Variants in GOLGA8B observed in about 807,000 individuals in gnomAD.
GOLGA8B encodes golgin subfamily A member 8B.
In GOLGA8B, 1 loss-of-function variant was observed where a neutral mutation model predicts 15.6. The ratio of observed to expected loss-of-function variants is 0.06; its 90% confidence interval spans 0.02 to 0.30. GOLGA8B has a LOEUF of 0.30. Ranked by LOEUF, GOLGA8B falls within the 10% of genes least tolerant of loss-of-function variation. The pLI is 1.00. For synonymous variants in GOLGA8B, 9 were observed against 80.3 expected (o/e 0.11, Z 4.75); for missense variants, 17 against 201.3 (o/e 0.08, Z 5.54).
chr15:34,569,400 C>T (rs1316443229), intron 1 of GOLGA8B, among the ~76,000 whole-genome samples: 1 of 152,018 alleles, frequency 6.6e-6, no homozygotes, highest in Non-Finnish European at 1.5e-5. Flanking sequence ...GGGCCTGGAT[C>T]ACCTTCCTGG....
At chr15:34,578,041 G>T (rs1889130104) in intron 1 of GOLGA8B, among the ~76,000 whole-genome samples, 1 of 152,204 alleles carries the variant, frequency 6.6e-6, no homozygotes, top group South Asian at 2.1e-4. Flanking sequence ...ACAATGTCAT[G>T]TGATGCATGA....
rs16954442 is a variant in GOLGA8B, at chr15:34,526,826, C to T, written c.*806G>A. Reference sequence around the variant, plus strand: ...TCGGAAATAAGCCATTTTTAGGTCACTGAAAAAGAGTGCAACTGCTGCAGC... The same window carrying T: ...TCGGAAATAAGCCATTTTTAGGTCATTGAAAAAGAGTGCAACTGCTGCAGC... On this transcript the variant is annotated 3_prime_UTR_variant, in exon 24 of 24. Coordinates refer to ENST00000683415, the MANE Select transcript of GOLGA8B (RefSeq NM_001023567.5). 0.16 allele frequency: 24,437 copies of T among 148,722 alleles called. 3,883 individuals are homozygous for T. Among genetic ancestry groups the T allele is most frequent in the Admixed American group, 0.28 (4,058 of 14,640 alleles). The allele number at this position is 148,722 out of a possible 1,614,324, so 9.2% of individuals were successfully genotyped here.
chr15:34,570,343 C>G (rs1448245523), intron 1 of GOLGA8B, among the ~76,000 whole-genome samples: 1 of 144,434 alleles, frequency 6.9e-6, no homozygotes, highest in African/African-American at 2.5e-5. Flanking sequence ...GACCACTGCC[C>G]TTGCCTGGAG....
intron 1 of GOLGA8B, among the ~76,000 whole-genome samples, chr15:34,576,288 A>G (rs1399869871): frequency 6.6e-6 from 1 of 152,232 alleles, no homozygotes; most frequent in African/African-American, 2.4e-5. Flanking sequence ...CAACTGAAGT[A>G]GCACCAGTCC....
chr15:34,576,413 G>A (rs1402574072), intron 1 of GOLGA8B, among the ~76,000 whole-genome samples: 1 of 152,190 alleles, frequency 6.6e-6, no homozygotes, highest in African/African-American at 2.4e-5. Flanking sequence ...GACACAATCA[G>A]GAGTTCTTGG....
At chr15:34,569,225 C>T (rs895546790) in intron 1 of GOLGA8B, among the ~76,000 whole-genome samples, 33 of 144,822 alleles carry the variant, frequency 2.3e-4, no homozygotes, top group African/African-American at 8.3e-4. Context: ...AGAGGAACTG[C>T]GTCTGAATGA....
intron 1 of GOLGA8B, among the ~76,000 whole-genome samples, chr15:34,567,584 G>A (rs1468637163): frequency 6.6e-6 from 1 of 151,646 alleles, no homozygotes; most frequent in Non-Finnish European, 1.5e-5. Flanking sequence ...CATCCCATTA[G>A]GAACACTGTC....
At chr15:34,573,168 C>T (rs939221706) in intron 1 of GOLGA8B, among the ~76,000 whole-genome samples, 1 of 152,178 alleles carries the variant, frequency 6.6e-6, no homozygotes, top group African/African-American at 2.4e-5. Context: ...AGACCTTGAC[C>T]TACCCAAGCA....
At chr15:34,571,616 A>G (rs1255465090) in intron 1 of GOLGA8B, among the ~76,000 whole-genome samples, 1 of 59,308 alleles carries the variant, frequency 1.7e-5, no homozygotes, top group Non-Finnish European at 4.1e-5. Context: ...GGAATCGTAT[A>G]AAAAAAAAAA....
At position 34,527,852 on chromosome 15, in the gene GOLGA8B, C is replaced by A; in HGVS notation, c.1610-18G>T. ...ACAAAGATCTTTGGAGAGAGAGAGG[C>A]GGGGATCTGAGTGGAGTGCTAGCCG... is the stretch of plus-strand genomic sequence containing the variant. On this transcript the variant is annotated intron_variant, in intron 23 of 23. Transcript: ENST00000683415. 2 of 1,569,372 alleles carry A rather than the reference C, an allele frequency of 1.3e-6. No individual in the cohort carries two copies. The highest frequency in any genetic ancestry group is 1.7e-6 in the Non-Finnish European group (2 of 1,162,538).
chr15:34,563,027 A>AAAAT (rs1159025402), intron 1 of GOLGA8B, among the ~76,000 whole-genome samples: 110 of 63,780 alleles, frequency 1.7e-3, no homozygotes, highest in Middle Eastern at 0.011. Context: ...ATTGTCTCAA[A>AAAAT]AAATAAATAA....
At chr15:34,579,613 T>C (rs373368920) in intron 1 of GOLGA8B, among the ~76,000 whole-genome samples, 14 of 152,222 alleles carry the variant, frequency 9.2e-5, no homozygotes, top group African/African-American at 3.1e-4. Flanking sequence ...GAAACTGACG[T>C]TGCACAGTAC....
intron 1 of GOLGA8B, among the ~76,000 whole-genome samples, chr15:34,561,226 G>T (rs1206638573): frequency 6.9e-6 from 1 of 145,762 alleles, no homozygotes. Context: ...TTAGGTGAAG[G>T]GGCTCTCACA....
chr15:34,542,774 ACTTT>A (rs1389719866), intron 7 of GOLGA8B, among the ~76,000 whole-genome samples: 1 of 126,084 alleles, frequency 7.9e-6, no homozygotes, highest in Non-Finnish European at 1.6e-5. Context: ...CTTTATAAAA[ACTTT>A]CAATCTTTTC....
intron 1 of GOLGA8B, among the ~76,000 whole-genome samples, chr15:34,559,980 G>C (rs1471348124): frequency 6.7e-6 from 1 of 149,758 alleles, no homozygotes; most frequent in Non-Finnish European, 1.5e-5. Flanking sequence ...ATCCCTGGGA[G>C]GTTTCAGGAG....
Position 34,582,366 on chromosome 15 carries a change from C to T in GOLGA8B, c.-1123+1150G>A, listed in dbSNP as rs1462709391. 3.3e-5 allele frequency among the ~76,000 whole-genome samples: 5 copies of T among 152,348 alleles called. No homozygotes were observed. The East Asian group carries it at 7.7e-4, about 23-fold the overall frequency. ...AGATCATTATTTCTAAAACCACTGT[C>T]CTTTCTCAACGAGGAAGAAAATAGA... is the stretch of plus-strand genomic sequence containing the variant. On this transcript the variant is annotated intron_variant, in intron 1 of 23. Transcript: ENST00000683415.
intron 1 of GOLGA8B, among the ~76,000 whole-genome samples, chr15:34,562,508 A>G (rs1420268484): frequency 8.6e-6 from 1 of 115,992 alleles, no homozygotes; most frequent in Non-Finnish European, 2.0e-5. Context: ...GTTTTGTTTT[A>G]TAGATGTAAT....
At position 34,573,602 on chromosome 15, in the gene GOLGA8B, G is replaced by C. The variant is rs1480577263; in HGVS notation, c.-1123+9914C>G. Among the ~76,000 whole-genome samples the C allele has an allele frequency of 5.6e-5, 8 of 143,728 alleles. No individual in the cohort carries two copies. The South Asian group carries it at 1.8e-3, about 32-fold the overall frequency. The allele number at this position is 143,728 out of a possible 152,430, so 94.3% of individuals were successfully genotyped here. A position where few individuals can be genotyped will look rare whatever the true frequency, so the allele number is the denominator to read the frequency against. On this transcript the variant is annotated intron_variant, in intron 1 of 23. Coordinates refer to ENST00000683415, the MANE Select transcript of GOLGA8B (RefSeq NM_001023567.5). ...CCCAAGGAATTTGCTTCCACACATA[G>C]AAAATAATCGAGTCCGTTTTTCTGA... is the stretch of plus-strand genomic sequence containing the variant.
intron 1 of GOLGA8B, among the ~76,000 whole-genome samples, chr15:34,580,678 A>G (rs890389): frequency 0.48 from 72,620 of 151,568 alleles, 17,889 homozygotes; most frequent in Admixed American, 0.59. Context: ...GGCGGTGGGC[A>G]GCAGAGGGGT....
Sources: allele counts gnomAD v4.1 joint callset (sites outside exome capture counted in the v4.1 genomes callset), GRCh38; gene constraint gnomAD v4.1.1; transcripts MANE v1.5; gene names NCBI Gene and HGNC (gene_info 2026-07-23, HGNC 2026-07-21).